Variants in OFD1 observed in about 807,000 individuals in gnomAD.
OFD1 encodes the protein centriole and centriolar satellite protein OFD1.
Under a neutral mutation model 81.4 loss-of-function variants are expected in OFD1, and 12 were observed. The ratio of observed to expected loss-of-function variants is 0.15; its 90% confidence interval spans 0.09 to 0.24. OFD1 has a LOEUF of 0.24. OFD1 is among the 10% of genes least tolerant of loss of function. The pLI is 1.00. For synonymous variants in OFD1, 256 were observed against 263.7 expected (o/e 0.97, Z 0.28); for missense variants, 685 against 733.9 (o/e 0.93, Z 0.77).
chrX:13,724,400 TAAAAAA>T, the OFD1 span, among the ~76,000 whole-genome samples: 2 of 82,326 alleles, frequency 2.4e-5, no homozygotes, highest in African/African-American at 4.5e-5. Context: ...AATATATATT[TAAAAAA>T]AAAAAAAAAA....
At chrX:13,761,872 C>G (rs1337753756) in intron 17 of OFD1, among the ~76,000 whole-genome samples, 2 of 101,836 alleles carry the variant, frequency 2.0e-5, no homozygotes, top group Non-Finnish European at 4.0e-5. Flanking sequence ...TAATGTAGTT[C>G]TCTGCCACAT....
chrX:13,771,327 A>G (rs1209515201), downstream of OFD1: 1 of 111,257 alleles, frequency 9.0e-6, no homozygotes, highest in Non-Finnish European at 1.9e-5. Flanking sequence ...GCAACAGGAA[A>G]ACAAAACACT....
rs312262857 is a variant in OFD1, at chrX:13,749,469, A to G, written c.871A>G (p.Lys291Glu). Residue 291 changes from lysine to glutamate, a missense_variant, in exon 9 of 23, where the codon AAA becomes GAA. Transcript: ENST00000340096. Reference protein sequence around the residue: ...EIYAQRQLLLKDMDLLRGREA... With the variant: ...EIYAQRQLLLEDMDLLRGREA... ...TTATGCTCAAAGGCAACTTTTACTAAAAGATATGGATTTGCTAAGAGGAAG... is the reference window on the plus strand; with the variant it reads ...TTATGCTCAAAGGCAACTTTTACTAGAAGATATGGATTTGCTAAGAGGAAG... The G allele has an allele frequency of 8.3e-7, 1 of 1,202,227 alleles. No individual in the cohort carries two copies.
intron 11 of OFD1, 142 bp from the exon 12 acceptor site, chrX:13,755,009 A>G: frequency 2.0e-6 from 1 of 503,942 alleles, no homozygotes; most frequent in Non-Finnish European, 3.5e-6. Context: ...AACAGGGTTT[A>G]TTTCTTACTT....
At chrX:13,730,179 A>G (rs2046643871), upstream of OFD1, among the ~76,000 whole-genome samples, 1 of 110,905 alleles carries the variant, frequency 9.0e-6, no homozygotes, top group Non-Finnish European at 1.9e-5. Flanking sequence ...CCATCTGACG[A>G]AGGGCTAATA....
chrX:13,763,303 A>G (rs1473647160), intron 18 of OFD1, among the ~76,000 whole-genome samples: 2 of 112,537 alleles, frequency 1.8e-5, no homozygotes, highest in Admixed American at 1.9e-4. Context: ...TTATATTTGC[A>G]TATAAGCTAT....
rs770730203 is a variant in OFD1, at chrX:13,741,096, C to T, written c.412+2064C>T. On this transcript the variant is annotated intron_variant, in intron 5 of 22. Transcript: ENST00000340096. ...CAGAGGTTACAGTGAGCCAAGATCACGCCACTGCGCTCCAGCCTAGCGACA... is the reference window on the plus strand; with the variant it reads ...CAGAGGTTACAGTGAGCCAAGATCATGCCACTGCGCTCCAGCCTAGCGACA... 2.4e-4 allele frequency among the ~76,000 whole-genome samples: 27 copies of T among 110,762 alleles called. No homozygotes were observed. The East Asian group carries it at 6.7e-3, about 28-fold the overall frequency.
intron 12 of OFD1, 45 bp downstream of exon 12, chrX:13,755,287 A>C: frequency 1.0e-6 from 1 of 962,542 alleles, no homozygotes; most frequent in South Asian, 2.0e-5. Flanking sequence ...TTTAAGCAAT[A>C]TATGAAATTT....
Position 13,734,773 on chromosome X carries a change from G to C in OFD1, c.-299G>C, listed in dbSNP as rs944301796. 4 of 1,056,251 alleles carry C rather than the reference G, an allele frequency of 3.8e-6. No individual in the cohort carries two copies. The highest frequency in any genetic ancestry group is 4.8e-6 in the Non-Finnish European group (4 of 824,784). 87.0% of individuals were successfully genotyped at this position (1,056,251 alleles called of 1,213,427 possible). On this transcript the variant is annotated 5_prime_UTR_variant, in exon 1 of 23. Coordinates refer to ENST00000340096, the MANE Select transcript of OFD1 (RefSeq NM_003611.3). ...ACTGGCTGTGAGGCGGTCCTGCCTCGCTGCCTTCAGTCCCTAGTGTCTGGG... is the reference window on the plus strand; with the variant it reads ...ACTGGCTGTGAGGCGGTCCTGCCTCCCTGCCTTCAGTCCCTAGTGTCTGGG...
At chrX:13,761,041 G>A (rs371947321) in intron 16 of OFD1, 44 bp from the exon 17 acceptor site, 404 of 1,205,155 alleles carry the variant, frequency 3.4e-4, no homozygotes, top group South Asian at 1.3e-3. Flanking sequence ...TATCTTCTCC[G>A]TGCAATTGGT....
In OFD1 at chrX:13,769,201, T is replaced by G. The variant is rs947354390; in HGVS notation, c.*93T>G. On this transcript the variant is annotated 3_prime_UTR_variant, in exon 23 of 23. Transcript: ENST00000340096. The stretch of plus-strand genomic sequence containing the variant: ...ATGTTTCCCTATCATCAGACAAAAC[T>G]CAATAAAAATGTGTGTAATCCAATG... 16 of 719,737 alleles carry G rather than the reference T, an allele frequency of 2.2e-5. No homozygotes were observed. The African/African-American group carries it at 2.6e-4, about 12-fold the overall frequency. The allele number at this position is 719,737 out of a possible 1,213,427, so 59.3% of individuals were successfully genotyped here. A position where few individuals can be genotyped will look rare whatever the true frequency, so the allele number is the denominator to read the frequency against.
At chrX:13,751,167 A>C in intron 9 of OFD1, 82 bp from the exon 10 acceptor site, 3 of 930,815 alleles carry the variant, frequency 3.2e-6, no homozygotes, top group Non-Finnish European at 3.1e-6. Context: ...AGTCTGTGGA[A>C]CTAGACACAT....
At chrX:13,740,881 G>A (rs2047068935) in intron 5 of OFD1, among the ~76,000 whole-genome samples, 1 of 111,073 alleles carries the variant, frequency 9.0e-6, no homozygotes, top group Admixed American at 9.6e-5. Flanking sequence ...GCTCACGCCT[G>A]TAATCCCAGC....
chrX:13,756,532 C>G (rs1393946764), intron 12 of OFD1, 46 bp from the exon 13 acceptor site: 2 of 1,080,239 alleles, frequency 1.9e-6, no homozygotes, highest in Admixed American at 2.3e-5. Flanking sequence ...TTTTGCAGTA[C>G]TGTAAAGTCA....
At chrX:13,732,449 A>G (rs1182810105), upstream of OFD1, among the ~76,000 whole-genome samples, 1 of 112,995 alleles carries the variant, frequency 8.8e-6, no homozygotes, top group East Asian at 2.8e-4. Context: ...TTCCTTTCAT[A>G]AGCGAATTCT....
chrX:13,761,838 G>T (rs1223918018), intron 17 of OFD1, among the ~76,000 whole-genome samples: 1 of 108,786 alleles, frequency 9.2e-6, no homozygotes, highest in Non-Finnish European at 1.9e-5. Flanking sequence ...TTAGCTCCAG[G>T]CTCGATCTCG....
downstream of OFD1, among the ~76,000 whole-genome samples, chrX:13,769,698 G>C (rs1220966770): frequency 8.1e-5 from 9 of 111,543 alleles, no homozygotes; most frequent in Non-Finnish European, 1.7e-4. Context: ...ACTAAGAGTG[G>C]GATTAGTGAC....
chrX:13,729,918 AAAAC>A (rs991056586), upstream of OFD1, among the ~76,000 whole-genome samples: 64 of 111,599 alleles, frequency 5.7e-4, no homozygotes, highest in Non-Finnish European at 9.8e-4. Flanking sequence ...CAAAAAACAA[AAAAC>A]AAACAAAAAA....
At chrX:13,722,645 G>C in the OFD1 span, among the ~76,000 whole-genome samples, 1 of 111,908 alleles carries the variant, frequency 8.9e-6, no homozygotes, top group African/African-American at 3.3e-5. Flanking sequence ...AAATACTTGA[G>C]GGTATGGAGC....
Sources: gnomAD v4.1 joint callset for allele counts (sites outside exome capture counted in the v4.1 genomes callset) on GRCh38, gnomAD v4.1.1 for gene constraint, MANE v1.5 for transcripts, NCBI Gene and HGNC (gene_info 2026-07-23, HGNC 2026-07-21) for gene names.